Variants in SEL1L3 observed in about 807,000 individuals in gnomAD.
The protein encoded by SEL1L3 is SEL1L family member 3.
A neutral mutation model predicts 142.8 loss-of-function variants in SEL1L3; 76 were observed. The observed-to-expected ratio is 0.53, with a 90% CI of 0.44 to 0.64. SEL1L3 has a LOEUF of 0.64. SEL1L3 is among the 30% of genes least tolerant of loss of function. The probability of loss-of-function intolerance (pLI) is 0.00; values close to 1 mark genes in which losing one functional copy is unlikely to be tolerated. For synonymous variants in SEL1L3, 504 were observed against 519.6 expected (o/e 0.97, Z 0.41); for missense variants, 1,262 against 1,381.7 (o/e 0.91, Z 1.37).
intron 9 of SEL1L3, among the ~76,000 whole-genome samples, chr4:25,815,947 CA>C (rs1316126627): frequency 2.0e-5 from 3 of 148,176 alleles, no homozygotes; most frequent in Non-Finnish European, 1.5e-5. Context: ...CAGCCCCCAA[CA>C]AAAAAAAATT....
chr4:25,825,635 A>G (rs1715039232), intron 6 of SEL1L3, among the ~76,000 whole-genome samples: 1 of 147,978 alleles, frequency 6.8e-6, no homozygotes. Flanking sequence ...TCATCTTACA[A>G]GTCACTTCTT....
At chr4:25,774,364 A>G (rs1438399962) in intron 17 of SEL1L3, among the ~76,000 whole-genome samples, 1 of 152,132 alleles carries the variant, frequency 6.6e-6, no homozygotes, top group African/African-American at 2.4e-5. Context: ...CTGAATCCAA[A>G]CTCACAAAGG....
At chr4:25,833,215 C>A (rs1425383832) in intron 4 of SEL1L3, 105 bp from the exon 5 acceptor site, 1 of 764,566 alleles carries the variant, frequency 1.3e-6, no homozygotes, top group Non-Finnish European at 2.2e-6. Flanking sequence ...CAATACTCCA[C>A]GAAAACAAAG....
chr4:25,861,324 T>C (rs750963855), intron 1 of SEL1L3, among the ~76,000 whole-genome samples: 1 of 152,248 alleles, frequency 6.6e-6, no homozygotes, highest in Non-Finnish European at 1.5e-5. Context: ...TATGAAAATA[T>C]GAAGTAAGCC....
the SEL1L3 span, among the ~76,000 whole-genome samples, chr4:25,714,333 G>A: frequency 1.3e-5 from 2 of 151,874 alleles, no homozygotes; most frequent in Admixed American, 6.6e-5. Flanking sequence ...CAGAGGGCTA[G>A]AACAGGGAAC....
At chr4:25,804,855 T>C in intron 9 of SEL1L3, 103 bp from the exon 10 acceptor site, 4 of 838,292 alleles carry the variant, frequency 4.8e-6, no homozygotes, top group Non-Finnish European at 7.9e-6. Context: ...GTTATTGATA[T>C]GGTCGGTCCT....
intron 6 of SEL1L3, among the ~76,000 whole-genome samples, chr4:25,826,642 G>A (rs565817208): frequency 1.2e-4 from 18 of 152,224 alleles, no homozygotes; most frequent in South Asian, 8.3e-4. Flanking sequence ...GCACTCCTGC[G>A]TCTGAGTACG....
At chr4:25,721,245 C>T in the SEL1L3 span, among the ~76,000 whole-genome samples, 3 of 150,824 alleles carry the variant, frequency 2.0e-5, no homozygotes, top group African/African-American at 7.3e-5. Flanking sequence ...TATTAAGAAG[C>T]TGAGTTCTGA....
intron 11 of SEL1L3, among the ~76,000 whole-genome samples, chr4:25,792,209 T>C (rs900673324): frequency 2.0e-5 from 3 of 152,160 alleles, no homozygotes; most frequent in Non-Finnish European, 2.9e-5. Context: ...CCTTTTTTTC[T>C]TTTTTTCCAC....
In SEL1L3 at chr4:25,759,116, C is replaced by T. The variant is rs554653069; in HGVS notation, c.2956-48G>A. The T allele has an allele frequency of 1.6e-5, 25 of 1,593,956 alleles. No homozygotes were observed. In the South Asian group the frequency reaches 2.7e-4, roughly 18 times the overall value. ...ACTCATCAAATCCTTGAAATAAAAC[C>T]TAGACACACACTCTTCATCAGAATG... On this transcript the variant is annotated intron_variant, in intron 20 of 23. Transcript: ENST00000399878.
At chr4:25,738,184 C>A in the SEL1L3 span, among the ~76,000 whole-genome samples, 1 of 152,182 alleles carries the variant, frequency 6.6e-6, no homozygotes, top group East Asian at 1.9e-4. Context: ...CCACCACACC[C>A]AGCTTGCAAT....
chr4:25,847,039 C>T (rs1716563158), intron 2 of SEL1L3, among the ~76,000 whole-genome samples: 1 of 151,976 alleles, frequency 6.6e-6, no homozygotes, highest in Admixed American at 6.6e-5. Context: ...ATCTAACCCT[C>T]TCAAAGTCCA....
At chr4:25,833,353 G>A (rs1715566802) in intron 4 of SEL1L3, 95 bp downstream of exon 4, 1 of 1,238,522 alleles carries the variant, frequency 8.1e-7, no homozygotes, top group South Asian at 1.5e-5. Flanking sequence ...CTGCCATGTT[G>A]ACAGGATCTT....
At chr4:25,780,708 A>G (rs984561131) in intron 15 of SEL1L3, among the ~76,000 whole-genome samples, 2 of 147,832 alleles carry the variant, frequency 1.4e-5, no homozygotes, top group Non-Finnish European at 3.0e-5. Flanking sequence ...CCCTCATCCT[A>G]CATATATATA....
At chr4:25,750,921 C>T (rs972695103) in intron 23 of SEL1L3, among the ~76,000 whole-genome samples, 2 of 152,348 alleles carry the variant, frequency 1.3e-5, no homozygotes, top group African/African-American at 4.8e-5. Flanking sequence ...TGGTTTAAAA[C>T]GTTACCTAGT....
chr4:25,805,497 G>A (rs987527743), intron 9 of SEL1L3, among the ~76,000 whole-genome samples: 9 of 152,190 alleles, frequency 5.9e-5, no homozygotes, highest in Non-Finnish European at 1.0e-4. Context: ...CCTGATGCAC[G>A]TACCCTCAAT....
chr4:25,833,768 G>A (rs920714542), intron 3 of SEL1L3, among the ~76,000 whole-genome samples, 199 bp from the exon 4 acceptor site: 1 of 152,198 alleles, frequency 6.6e-6, no homozygotes, highest in East Asian at 1.9e-4. Context: ...AAAGACAGGA[G>A]TTAAGCTTCA....
rs756341808 is a variant in SEL1L3 at position 25,767,548 on chromosome 4, A to G, written c.2822T>C (p.Phe941Ser). Residue 941 changes from phenylalanine (F) to serine (S), a missense_variant, in exon 19 of 24, where the codon TTT (phenylalanine) becomes TCT (serine). Around this residue, in one of 3 missense-constraint regions of SEL1L3, gnomAD observed 435 missense variants for 559.2 expected, o/e 0.78. Coordinates refer to ENST00000399878, the MANE Select transcript of SEL1L3 (RefSeq NM_015187.5). Reference protein sequence around the residue: ...CVWRYYNFSVFQIDAPSFAYL... With the variant: ...CVWRYYNFSVSQIDAPSFAYL... ...ACCAAAGGAAGGAGCATCGATTTGAAAAACAGAGAAATTATAGTATCTCCA... is the reference window on the plus strand; with the variant it reads ...ACCAAAGGAAGGAGCATCGATTTGAGAAACAGAGAAATTATAGTATCTCCA... 6.3e-7 allele frequency: 1 copy of G among 1,596,976 alleles called. No homozygotes were observed. The highest frequency in any genetic ancestry group is 1.3e-5 in the African/African-American group (1 of 74,720).
chr4:25,735,514 C>T, the SEL1L3 span, among the ~76,000 whole-genome samples: 1 of 151,382 alleles, frequency 6.6e-6, no homozygotes, highest in African/African-American at 2.4e-5. Context: ...TTTTCTGGTT[C>T]CAATTTCACC....
Sources: gnomAD v4.1 joint callset for allele counts (sites outside exome capture counted in the v4.1 genomes callset) on GRCh38, gnomAD v4.1.1 for gene constraint, gnomAD v4.1.1 regional missense constraint, MANE v1.5 for transcripts, NCBI Gene and HGNC (gene_info 2026-07-23, HGNC 2026-07-21) for gene names.